Variants in ARB2A observed in about 807,000 individuals in gnomAD.
The protein encoded by ARB2A is ARB2 cotranscriptional regulator A, also known as cotranscriptional regulator ARB2A.
the ARB2A span, among the ~76,000 whole-genome samples, chr5:94,107,751 T>C: frequency 6.6e-6 from 1 of 152,182 alleles, no homozygotes; most frequent in Non-Finnish European, 1.5e-5. Context: ...TATAGAACTG[T>C]ATACAGTGCA....
chr5:94,033,734 G>A, the ARB2A span, among the ~76,000 whole-genome samples: 1 of 152,136 alleles, frequency 6.6e-6, no homozygotes, highest in African/African-American at 2.4e-5. Flanking sequence ...CAAAATGAAT[G>A]TATTTTGCAT....
At chr5:94,045,424 A>C in the ARB2A span, among the ~76,000 whole-genome samples, 1 of 152,158 alleles carries the variant, frequency 6.6e-6, no homozygotes, top group Non-Finnish European at 1.5e-5. Context: ...CATAAGTGTT[A>C]AAATCTTCCA....
At chr5:93,758,819 A>T in the ARB2A span, among the ~76,000 whole-genome samples, 1 of 152,168 alleles carries the variant, frequency 6.6e-6, no homozygotes, top group Non-Finnish European at 1.5e-5. Flanking sequence ...TGACATTCTA[A>T]GGTCATACCT....
chr5:93,732,855 T>C, the ARB2A span, among the ~76,000 whole-genome samples: 1 of 152,166 alleles, frequency 6.6e-6, no homozygotes, highest in Middle Eastern at 3.4e-3. Context: ...TTTAAAATTG[T>C]ATAATAAATA....
chr5:93,832,623 G>A, the ARB2A span, among the ~76,000 whole-genome samples: 10 of 152,278 alleles, frequency 6.6e-5, no homozygotes, highest in African/African-American at 2.2e-4. Context: ...CCTTGCTTAA[G>A]GTTACAGTCC....
chr5:93,890,683 A>G, the ARB2A span, among the ~76,000 whole-genome samples: 1 of 152,054 alleles, frequency 6.6e-6, no homozygotes, highest in African/African-American at 2.4e-5. Flanking sequence ...TAAGCCATGC[A>G]TAGTTCTAAG....
the ARB2A span, among the ~76,000 whole-genome samples, chr5:93,791,826 G>A: frequency 1.5e-4 from 23 of 152,220 alleles, no homozygotes; most frequent in Non-Finnish European, 2.9e-4. Flanking sequence ...CAGGCGGCCA[G>A]AAGAGAGCAG....
At chr5:93,793,890 G>A in the ARB2A span, among the ~76,000 whole-genome samples, 1 of 152,170 alleles carries the variant, frequency 6.6e-6, no homozygotes. Context: ...GCCCTTCAGA[G>A]TTGTTCCAAG....
At chr5:93,622,540 G>A in the ARB2A span, among the ~76,000 whole-genome samples, 1,861 of 152,302 alleles carry the variant, frequency 0.012, 48 homozygotes, top group African/African-American at 0.042. Context: ...GAAAGCTACA[G>A]TCTGTGCCTG....
At chr5:93,752,285 G>C in the ARB2A span, among the ~76,000 whole-genome samples, 1 of 152,156 alleles carries the variant, frequency 6.6e-6, no homozygotes, top group Non-Finnish European at 1.5e-5. Context: ...ATTACAGACA[G>C]AGCATTAAAA....
chr5:93,947,982 T>C, the ARB2A span, among the ~76,000 whole-genome samples: 5 of 152,268 alleles, frequency 3.3e-5, no homozygotes, highest in African/African-American at 1.2e-4. Context: ...TATGTGTGCA[T>C]GTGTCCTTAT....
chr5:93,786,095 C>A, the ARB2A span, among the ~76,000 whole-genome samples: 1 of 152,116 alleles, frequency 6.6e-6, no homozygotes, highest in South Asian at 2.1e-4. Context: ...TAAGAACATG[C>A]CTTTCTGGTA....
chr5:93,784,275 G>T, the ARB2A span: 1 of 699,330 alleles, frequency 1.4e-6, no homozygotes, highest in Non-Finnish European at 2.5e-6. Context: ...TCAATGTTCT[G>T]CCTCTAGAAA....
the ARB2A span, among the ~76,000 whole-genome samples, chr5:93,771,856 T>A: frequency 5.9e-4 from 90 of 152,334 alleles, no homozygotes; most frequent in African/African-American, 2.0e-3. Flanking sequence ...ACACTGTTGT[T>A]GGGACTGTAA....
At chr5:93,770,574 A>C in the ARB2A span, among the ~76,000 whole-genome samples, 3 of 152,128 alleles carry the variant, frequency 2.0e-5, no homozygotes, top group Non-Finnish European at 2.9e-5. Context: ...TCTCAGCCCA[A>C]AATCTCCTTA....
At chr5:93,784,372 C>G in the ARB2A span, 1 of 1,606,578 alleles carries the variant, frequency 6.2e-7, no homozygotes, top group Admixed American at 1.7e-5. Flanking sequence ...CTAAAAAAAA[C>G]CAAGTCTCAC....
chr5:93,973,898 G>A, the ARB2A span, among the ~76,000 whole-genome samples: 14 of 152,142 alleles, frequency 9.2e-5, no homozygotes, highest in Admixed American at 8.5e-4. Context: ...AATGCCTGTG[G>A]GGTATCTGAA....
the ARB2A span, among the ~76,000 whole-genome samples, chr5:93,663,013 C>T: frequency 6.6e-6 from 1 of 152,156 alleles, no homozygotes; most frequent in Admixed American, 6.5e-5. Flanking sequence ...AAACTCCCTC[C>T]ATCAAGCCCT....
chr5:93,944,125 A>G, the ARB2A span, among the ~76,000 whole-genome samples: 1 of 152,318 alleles, frequency 6.6e-6, no homozygotes, highest in South Asian at 2.1e-4. Context: ...TGAGGTTTAC[A>G]AAGAATTTGG....
Sources: gnomAD v4.1 joint callset for allele counts (sites outside exome capture counted in the v4.1 genomes callset) on GRCh38, gnomAD v4.1.1 for gene constraint, MANE v1.5 for transcripts, NCBI Gene and HGNC (gene_info 2026-07-23, HGNC 2026-07-21) for gene names.